The following UGT1A5 variants were observed in gnomAD, a reference collection of about 807,000 sequenced individuals.
UGT1A5 encodes the protein UDP glucuronosyltransferase family 1 member A5.
Under a neutral mutation model 40.3 loss-of-function variants are expected in UGT1A5, and 29 were observed. The observed-to-expected ratio is 0.72, with a 90% CI of 0.54 to 0.98. The LOEUF is 0.98. Among genes scored for constraint, UGT1A5 ranks in the 50% least tolerant of loss-of-function variants. UGT1A5 has a pLI of 0.00. For synonymous variants in UGT1A5, 257 were observed against 262.5 expected (o/e 0.98, Z 0.20); for missense variants, 678 against 677.9 (o/e 1.00, Z 0.00).
At position 233,713,437 on chromosome 2, in the gene UGT1A5, T is replaced by G; in HGVS notation, c.446T>G (p.Val149Gly). The change falls in exon 1 of 5, where the codon GTT (valine) becomes GGT (glycine). Residue 149 changes from valine to glycine, a missense_variant. Physicochemically the swap from Val to Gly is moderately radical, Grantham distance 109. Coordinates refer to ENST00000373414, the MANE Select transcript of UGT1A5 (RefSeq NM_019078.2). ...CTGCATGCTACTTCCTTTGATGTGGTTCTAACAGACCCCTTTCACCTCTGC... is the reference window on the plus strand; with the variant it reads ...CTGCATGCTACTTCCTTTGATGTGGGTCTAACAGACCCCTTTCACCTCTGC... ...RHLHATSFDVVLTDPFHLCAA... is the reference protein window; with the variant it reads ...RHLHATSFDVGLTDPFHLCAA... 1 of 1,614,192 alleles carries G rather than the reference T, an allele frequency of 6.2e-7. No homozygotes were observed. The highest frequency in any genetic ancestry group is 8.5e-7 in the Non-Finnish European group (1 of 1,180,028).
chr2:233,747,590 G>A, intron 1 of UGT1A5: 3 of 1,576,970 alleles, frequency 1.9e-6, no homozygotes, highest in Non-Finnish European at 2.6e-6. Context: ...TCTTTCATAG[G>A]TCTTGTGTGG....
At chr2:233,767,827 C>G in intron 2 of UGT1A5, 22 bp from the exon 3 acceptor site, 2 of 1,614,176 alleles carry the variant, frequency 1.2e-6, no homozygotes, top group Non-Finnish European at 1.7e-6. Flanking sequence ...TCTTTACGTT[C>G]TGCTCTTTTT....
intron 1 of UGT1A5, chr2:233,760,931 T>C (rs1360622092): frequency 4.3e-6 from 7 of 1,614,090 alleles, no homozygotes; most frequent in South Asian, 2.2e-5. Flanking sequence ...AACATGCTCA[T>C]TGCCTTTTCA....
chr2:233,725,124 C>T (rs1317308405), intron 1 of UGT1A5, among the ~76,000 whole-genome samples: 3 of 137,634 alleles, frequency 2.2e-5, no homozygotes, highest in Admixed American at 7.2e-5. Context: ...TGCAGTGAGC[C>T]GAGATGGCAG....
intron 1 of UGT1A5, among the ~76,000 whole-genome samples, chr2:233,757,459 C>T (rs1280909636): frequency 8.7e-5 from 13 of 149,420 alleles, no homozygotes; most frequent in African/African-American, 2.0e-4. Flanking sequence ...ATGTCCAGAG[C>T]GCTTACTGTC....
At position 233,747,983 on chromosome 2, in the gene UGT1A5, C is replaced by G. The variant is rs539831908; in HGVS notation, c.868-19051C>G. ...TCAGCCATGCATCTGTGTGGCTGTT[C>G]CGAGGGGACTTTGTGATGGATTACC... On this transcript the variant is annotated intron_variant, in intron 1 of 4. Transcript: ENST00000373414. The G allele has an allele frequency of 4.2e-5, 67 of 1,613,418 alleles. 2 individuals are homozygous for G. In the African/African-American group the frequency reaches 7.6e-4, roughly 18 times the overall value.
At chr2:233,734,977 G>T (rs2078594249) in intron 1 of UGT1A5, among the ~76,000 whole-genome samples, 1 of 152,188 alleles carries the variant, frequency 6.6e-6, no homozygotes, top group Non-Finnish European at 1.5e-5. Context: ...GTGCTGAGAA[G>T]AATGTATATT....
Position 233,713,198 on chromosome 2 carries a change from C to T in UGT1A5, c.207C>T (p.Ile69=). ...TCACCCTGGAGGTGAATATGTACAT[C>T]AAAGAAGAGAACTTTTTCACCCTGA... is the stretch of plus-strand genomic sequence containing the variant. The part of the protein sequence containing the change: ...VVLTLEVNMY[I]KEENFFTLTT... Residue 69 remains isoleucine, a synonymous_variant, in exon 1 of 5, where the codon ATC becomes ATT. Coordinates refer to ENST00000373414, the MANE Select transcript of UGT1A5 (RefSeq NM_019078.2). 2.5e-6 allele frequency: 4 copies of T among 1,614,218 alleles called. No homozygotes were observed. The highest frequency in any genetic ancestry group is 3.4e-6 in the Non-Finnish European group (4 of 1,180,034).
chr2:233,724,303 C>T (rs1272665278), intron 1 of UGT1A5, among the ~76,000 whole-genome samples: 6 of 139,774 alleles, frequency 4.3e-5, no homozygotes, highest in South Asian at 2.5e-4. Flanking sequence ...CCCCCCACCT[C>T]CCTCCCGGAC....
chr2:233,720,944 CAT>C (rs1354366294), intron 1 of UGT1A5, among the ~76,000 whole-genome samples: 52 of 150,934 alleles, frequency 3.4e-4, no homozygotes, highest in African/African-American at 1.1e-3. Flanking sequence ...CTCCTGACCT[CAT>C]GTGATCTGCC....
chr2:233,721,696 T>C (rs1281841318), intron 1 of UGT1A5: 6 of 355,902 alleles, frequency 1.7e-5, no homozygotes, highest in Non-Finnish European at 2.8e-5. Flanking sequence ...GCAAGACGCA[T>C]GGCTCATCTT....
intron 1 of UGT1A5, among the ~76,000 whole-genome samples, chr2:233,715,664 C>T (rs547065992): frequency 3.3e-5 from 5 of 152,030 alleles, no homozygotes; most frequent in African/African-American, 4.8e-5. Context: ...CCCAGCTACT[C>T]GGGAGGCTGA....
chr2:233,768,258 T>C lies in UGT1A5; in HGVS notation c.1126T>C (p.Ser376Pro). 1 of 1,614,230 alleles carries C rather than the reference T, an allele frequency of 6.2e-7. No homozygotes were observed. The highest frequency in any genetic ancestry group is 8.5e-7 in the Non-Finnish European group (1 of 1,180,044). Residue 376 changes from serine (S) to proline (P), a missense_variant, in exon 4 of 5, where the codon TCC becomes CCC. By Grantham distance (74) the Ser-to-Pro change is moderately conservative. Coordinates refer to ENST00000373414, the MANE Select transcript of UGT1A5 (RefSeq NM_019078.2). ...MTRAFITHAG[S>P]HGVYESICNG... Reference sequence around the variant, plus strand: ...CCGTGCCTTTATCACCCATGCTGGTTCCCATGGTGTTTATGAAAGCATATG... The same window carrying C: ...CCGTGCCTTTATCACCCATGCTGGTCCCCATGGTGTTTATGAAAGCATATG...
In UGT1A5 at chr2:233,759,136, T is replaced by C. The variant is rs1257027587; in HGVS notation, c.868-7898T>C. 2.6e-5 allele frequency among the ~76,000 whole-genome samples: 4 copies of C among 152,326 alleles called. No individual in the cohort carries two copies. In the East Asian group the frequency reaches 7.7e-4, roughly 29 times the overall value. ...GGGAGTTACAGCCTCTGGTACGCAA[T>C]GAAGGTGAGTTCCACAGAACACAAG... On this transcript the variant is annotated intron_variant, in intron 1 of 4. Transcript: ENST00000373414.
intron 1 of UGT1A5, chr2:233,719,497 C>T (rs774203287): frequency 1.2e-6 from 2 of 1,613,882 alleles, no homozygotes; most frequent in African/African-American, 2.7e-5. Flanking sequence ...ATTTGCCATA[C>T]TTTTTCTGCC....
Position 233,769,738 on chromosome 2 carries a change from C to G in UGT1A5, c.1307+1299C>G. 1 of 1,454,300 alleles carries G rather than the reference C, an allele frequency of 6.9e-7. No individual in the cohort carries two copies. The highest frequency in any genetic ancestry group is 9.1e-7 in the Non-Finnish European group (1 of 1,102,384). The allele number at this position is 1,454,300 out of a possible 1,614,324, so 90.1% of individuals were successfully genotyped here. On this transcript the variant is annotated intron_variant, in intron 4 of 4. Transcript: ENST00000373414. The surrounding 1 kb of genome is among the most constrained non-coding windows in gnomAD (Gnocchi z 4.4). ...GGCACCATGGCACACGCCTGTAGTC[C>G]CAGCCACTCTGGAGGCTAAGGCGGG...
intron 1 of UGT1A5, chr2:233,747,693 C>T: frequency 6.2e-7 from 1 of 1,611,232 alleles, no homozygotes; most frequent in South Asian, 1.1e-5. Flanking sequence ...TGGGGCAGTG[C>T]TGGCTAAGTA....
At chr2:233,771,020 A>T (rs1052274200) in intron 4 of UGT1A5, 14 of 152,140 alleles carry the variant, frequency 9.2e-5, no homozygotes, top group Non-Finnish European at 2.1e-4. Flanking sequence ...GGAGCGAGAG[A>T]GAGTTGGGGG....
chr2:233,772,994 C>G lies in UGT1A5; in HGVS notation c.*435C>G, dbSNP rs1700561362. The G allele has an allele frequency of 1.2e-5, 3 of 254,612 alleles. No homozygotes were observed. Among genetic ancestry groups the G allele is most frequent in the Admixed American group, 5.0e-5 (1 of 19,886 alleles). The allele number at this position is 254,612 out of a possible 1,614,324, so 15.8% of individuals were successfully genotyped here. On this transcript the variant is annotated 3_prime_UTR_variant, in exon 5 of 5. Transcript: ENST00000373414. Reference sequence around the variant, plus strand: ...AACCAATAATGGTCAGTCCTCATCTCTGTCGTGCTTCATAGGTGCCACCTT... The same window carrying G: ...AACCAATAATGGTCAGTCCTCATCTGTGTCGTGCTTCATAGGTGCCACCTT...
Sources: allele counts gnomAD v4.1 joint callset (sites outside exome capture counted in the v4.1 genomes callset), GRCh38; gene constraint gnomAD v4.1.1; non-coding constraint Gnocchi (gnomAD v3.1); transcripts MANE v1.5; gene names NCBI Gene and HGNC (gene_info 2026-07-23, HGNC 2026-07-21).